The following COMMD1 variants were observed in gnomAD, a reference collection of about 807,000 sequenced individuals.
COMMD1 encodes COMM domain-containing protein 1.
A neutral mutation model predicts 17.2 loss-of-function variants in COMMD1; 10 were observed. That is an observed-to-expected ratio of 0.58 (90% CI 0.36 to 0.99). The LOEUF (loss-of-function observed/expected upper bound fraction) is 0.99, where lower values mean the gene tolerates loss of function less well. Ranked by LOEUF, COMMD1 falls within the 50% of genes least tolerant of loss-of-function variation. COMMD1 has a pLI of 0.01. For synonymous variants in COMMD1, 97 were observed against 91.6 expected (o/e 1.06, Z -0.34); for missense variants, 270 against 231.8 (o/e 1.17, Z -1.07).
At chr2:61,975,891 G>A (rs1194205536) in intron 1 of COMMD1, among the ~76,000 whole-genome samples, 1 of 152,064 alleles carries the variant, frequency 6.6e-6, no homozygotes, top group East Asian at 1.9e-4. Flanking sequence ...CCAGAATGTG[G>A]TCTGTCTTGG....
chr2:61,993,151 T>C (rs1668637612), intron 1 of COMMD1, among the ~76,000 whole-genome samples: 1 of 152,184 alleles, frequency 6.6e-6, no homozygotes, highest in Non-Finnish European at 1.5e-5. Context: ...CCTATATTTA[T>C]ATTATAGATA....
At chr2:62,053,634 T>G (rs1337899237) in intron 2 of COMMD1, among the ~76,000 whole-genome samples, 1 of 152,180 alleles carries the variant, frequency 6.6e-6, no homozygotes, top group East Asian at 1.9e-4. Context: ...GAATTGACGA[T>G]AATCATCCAG....
intron 1 of COMMD1, among the ~76,000 whole-genome samples, chr2:61,978,555 T>C (rs979357229): frequency 2.6e-5 from 4 of 152,198 alleles, no homozygotes; most frequent in African/African-American, 9.7e-5. Flanking sequence ...GTCATTTTGC[T>C]CTTGAATCTG....
At chr2:61,988,929 A>C (rs998262895) in intron 1 of COMMD1, among the ~76,000 whole-genome samples, 1 of 152,184 alleles carries the variant, frequency 6.6e-6, no homozygotes, top group African/African-American at 2.4e-5. Context: ...GGCAGCACCA[A>C]GTTCCAATGT....
At chr2:62,135,188 C>G (rs1294736842) in intron 2 of COMMD1, among the ~76,000 whole-genome samples, 1 of 152,166 alleles carries the variant, frequency 6.6e-6, no homozygotes, top group Admixed American at 6.5e-5. Context: ...CTTTGTGCCT[C>G]AGGGTCCTCA....
chr2:62,105,082 A>G (rs908417058), intron 2 of COMMD1, among the ~76,000 whole-genome samples: 5 of 150,984 alleles, frequency 3.3e-5, no homozygotes, highest in African/African-American at 9.8e-5. Flanking sequence ...CTGAGATCGC[A>G]CCATTGCACT....
At chr2:62,126,554 G>A (rs940427205) in intron 2 of COMMD1, among the ~76,000 whole-genome samples, 9 of 152,192 alleles carry the variant, frequency 5.9e-5, no homozygotes, top group African/African-American at 2.2e-4. Flanking sequence ...TTTGTTGGCT[G>A]CATGAATGTC....
rs559209499 is a variant in COMMD1, at chr2:62,028,437, T to A, written c.462+27455T>A. ...TTTAATGCTTTATCCAAACTGTAAC[T>A]ATGTCTTTTGTAATTCAAAAGCAGT... On this transcript the variant is annotated intron_variant, in intron 2 of 2. Transcript: ENST00000311832. Among the ~76,000 whole-genome samples the A allele has an allele frequency of 6.6e-5, 10 of 152,314 alleles. No homozygotes were observed. The South Asian group carries it at 1.9e-3, about 28-fold the overall frequency.
At chr2:61,897,192 C>A (rs1226321353) in intron 1 of COMMD1, among the ~76,000 whole-genome samples, 1 of 152,096 alleles carries the variant, frequency 6.6e-6, no homozygotes, top group African/African-American at 2.4e-5. Flanking sequence ...ATTAAAAAAC[C>A]TTGTTAAATG....
chr2:61,932,034 A>G (rs1670478230), intron 1 of COMMD1, among the ~76,000 whole-genome samples: 2 of 152,196 alleles, frequency 1.3e-5, no homozygotes, highest in African/African-American at 4.8e-5. Context: ...TTGCTCTCTC[A>G]CCAAGGCTGG....
At chr2:62,128,315 G>GA (rs1227588525) in intron 2 of COMMD1, among the ~76,000 whole-genome samples, 1 of 148,272 alleles carries the variant, frequency 6.7e-6, no homozygotes, top group Non-Finnish European at 1.5e-5. Context: ...GCGACAGTGT[G>GA]AGACTCTGTC....
At chr2:62,058,234 G>C (rs1312321582) in intron 2 of COMMD1, among the ~76,000 whole-genome samples, 1 of 152,044 alleles carries the variant, frequency 6.6e-6, no homozygotes, top group Admixed American at 6.6e-5. Flanking sequence ...AGATTAAGTT[G>C]GTTAATAGTG....
At chr2:61,893,169 A>G (rs915353680) in intron 1 of COMMD1, among the ~76,000 whole-genome samples, 1 of 151,838 alleles carries the variant, frequency 6.6e-6, no homozygotes, top group Non-Finnish European at 1.5e-5. Flanking sequence ...GCCTGGCCTC[A>G]TTCTATGTTT....
At chr2:62,085,301 T>G (rs1671627899) in intron 2 of COMMD1, among the ~76,000 whole-genome samples, 1 of 151,376 alleles carries the variant, frequency 6.6e-6, no homozygotes, top group Non-Finnish European at 1.5e-5. Context: ...CACTGTAAGC[T>G]CCACCTCCTG....
chr2:62,086,892 G>A (rs1671686800), intron 2 of COMMD1, among the ~76,000 whole-genome samples: 1 of 151,256 alleles, frequency 6.6e-6, no homozygotes. Flanking sequence ...GTCTCCCTCT[G>A]TTGCCCAGGC....
chr2:62,001,558 T>C (rs867931666), intron 2 of COMMD1, among the ~76,000 whole-genome samples: 5 of 152,356 alleles, frequency 3.3e-5, no homozygotes, highest in African/African-American at 1.2e-4. Context: ...ATGGTTTTTC[T>C]TGAAGTCATT....
At chr2:62,070,772 A>G (rs1005576531) in intron 2 of COMMD1, among the ~76,000 whole-genome samples, 2 of 152,152 alleles carry the variant, frequency 1.3e-5, no homozygotes, top group Non-Finnish European at 2.9e-5. Flanking sequence ...GCTCACGCCT[A>G]TAATCCCAGC....
At chr2:62,100,559 A>C (rs1379975608) in intron 2 of COMMD1, among the ~76,000 whole-genome samples, 1 of 152,170 alleles carries the variant, frequency 6.6e-6, no homozygotes, top group African/African-American at 2.4e-5. Flanking sequence ...GAGGCGGGGA[A>C]GGGGACAGTA....
chr2:62,007,871 C>T (rs910602375), intron 2 of COMMD1, among the ~76,000 whole-genome samples: 2 of 152,114 alleles, frequency 1.3e-5, no homozygotes, highest in African/African-American at 4.8e-5. Context: ...TAAGAATCTG[C>T]TAAAACATAT....
Sources: gnomAD v4.1 joint callset for allele counts (sites outside exome capture counted in the v4.1 genomes callset) on GRCh38, gnomAD v4.1.1 for gene constraint, MANE v1.5 for transcripts, NCBI Gene and HGNC (gene_info 2026-07-23, HGNC 2026-07-21) for gene names.